The following ICA1 variants were observed in gnomAD, a reference collection of about 807,000 sequenced individuals.
The protein encoded by ICA1 is islet cell autoantigen 1, also known as 69 kDa islet cell autoantigen.
ICA1 carries 40 observed loss-of-function variants against 71.0 expected under a neutral mutation model. That is an observed-to-expected ratio of 0.56 (90% CI 0.44 to 0.73). The LOEUF is 0.73. ICA1 is among the 30% of genes least tolerant of loss of function. ICA1 has a pLI of 0.00. For missense variants in ICA1, 578 were observed against 576.5 expected, an observed-to-expected ratio of 1.00 and a Z score of -0.03; for synonymous variants, 207 against 209.5, an observed-to-expected ratio of 0.99 and a Z score of 0.10.
At chr7:8,116,300 G>A (rs1445669307) in intron 13 of ICA1, 1 of 152,114 alleles carries the variant, frequency 6.6e-6, no homozygotes, top group Non-Finnish European at 1.5e-5. Flanking sequence ...AGTAGGAGGG[G>A]GATTGACATT....
intron 5 of ICA1, chr7:8,218,935 A>G: frequency 3.9e-6 from 1 of 258,238 alleles, no homozygotes; most frequent in Non-Finnish European, 7.6e-6. Flanking sequence ...TCACTCTCCA[A>G]AGGCCAAGGC....
intron 8 of ICA1, among the ~76,000 whole-genome samples, chr7:8,152,665 C>G (rs1214366206): frequency 1.9e-4 from 28 of 148,480 alleles, no homozygotes; most frequent in African/African-American, 6.1e-4. Context: ...ACCACCACCA[C>G]CACCATTATC....
intron 6 of ICA1, among the ~76,000 whole-genome samples, chr7:8,180,749 A>T (rs566103319): frequency 3.9e-4 from 59 of 152,026 alleles, no homozygotes; most frequent in African/African-American, 1.3e-3. Context: ...ACATGAAACC[A>T]TGTTGGCAAT....
At position 8,161,047 on chromosome 7, in the gene ICA1, T is replaced by C. The variant is rs568894764; in HGVS notation, c.580-2395A>G. Among the ~76,000 whole-genome samples the C allele has an allele frequency of 1.1e-4, 17 of 152,312 alleles. No homozygotes were observed. In the East Asian group the frequency reaches 2.5e-3, roughly 22 times the overall value. Reference sequence around the variant, plus strand: ...TCCTGAAAGGCATCTGTCTTCAGCCTTTTCCTACAAAGGGGAAGAAAATAC... The same window carrying C: ...TCCTGAAAGGCATCTGTCTTCAGCCCTTTCCTACAAAGGGGAAGAAAATAC... On this transcript the variant is annotated intron_variant, in intron 6 of 13. Coordinates refer to ENST00000402384, the MANE Select transcript of ICA1 (RefSeq NM_001136020.3).
intron 3 of ICA1, among the ~76,000 whole-genome samples, chr7:8,228,882 C>T (rs970266088): frequency 6.6e-6 from 1 of 152,218 alleles, no homozygotes; most frequent in African/African-American, 2.4e-5. Context: ...AATTCATCAT[C>T]TCTGTGATCT....
intron 10 of ICA1, among the ~76,000 whole-genome samples, chr7:8,140,511 G>C (rs1291079520): frequency 6.6e-6 from 1 of 152,128 alleles, no homozygotes; most frequent in Non-Finnish European, 1.5e-5. Context: ...CTCTCCCTTG[G>C]AGCTCCCACC....
chr7:8,197,109 TA>T (rs995145973), intron 6 of ICA1, among the ~76,000 whole-genome samples: 46 of 151,786 alleles, frequency 3.0e-4, no homozygotes, highest in African/African-American at 1.1e-3. Flanking sequence ...CATGAGCATT[TA>T]AAAAATGTCT....
intron 13 of ICA1, among the ~76,000 whole-genome samples, chr7:8,126,830 C>T (rs1353966065): frequency 1.3e-5 from 2 of 152,166 alleles, no homozygotes; most frequent in African/African-American, 4.8e-5. Flanking sequence ...TTTCAGAAGC[C>T]TGTGTGTTTA....
intron 3 of ICA1, among the ~76,000 whole-genome samples, chr7:8,231,178 A>G (rs915579425): frequency 1.3e-5 from 2 of 152,162 alleles, no homozygotes; most frequent in Non-Finnish European, 2.9e-5. Context: ...GTGGGGAAAC[A>G]GTGTCCAGGT....
intron 6 of ICA1, among the ~76,000 whole-genome samples, chr7:8,159,895 G>A (rs1355811524): frequency 6.6e-6 from 1 of 152,122 alleles, no homozygotes; most frequent in Non-Finnish European, 1.5e-5. Flanking sequence ...TGTATTCAGT[G>A]TGATGAGTTC....
intron 6 of ICA1, among the ~76,000 whole-genome samples, chr7:8,186,962 G>A (rs1383833638): frequency 6.6e-6 from 1 of 152,124 alleles, no homozygotes; most frequent in African/African-American, 2.4e-5. Context: ...TTAAAATTGG[G>A]CAACAAGAAT....
intron 8 of ICA1, among the ~76,000 whole-genome samples, chr7:8,147,687 A>AACACAC (rs71014764): frequency 0.016 from 2,377 of 145,370 alleles, 59 homozygotes; most frequent in African/African-American, 0.052. Flanking sequence ...AGCCAAGGGG[A>AACACAC]ACACACACAC....
intron 12 of ICA1, among the ~76,000 whole-genome samples, chr7:8,137,525 C>T (rs563766348): frequency 1.0e-3 from 156 of 152,186 alleles, no homozygotes; most frequent in African/African-American, 3.7e-3. Context: ...TGAAAGACAC[C>T]TTTATTCTAT....
At chr7:8,158,495 T>G (rs375940094) in intron 7 of ICA1, 32 bp downstream of exon 7, 52 of 1,612,472 alleles carry the variant, frequency 3.2e-5, no homozygotes, top group Non-Finnish European at 4.2e-5. Context: ...TGTGCCATCC[T>G]TGGTTCATTG....
chr7:8,172,456 T>A (rs931335516), intron 6 of ICA1, among the ~76,000 whole-genome samples: 1 of 152,156 alleles, frequency 6.6e-6, no homozygotes, highest in Non-Finnish European at 1.5e-5. Flanking sequence ...TTTGAATAAA[T>A]CTGTTTCTTT....
chr7:8,210,702 G>T (rs1053644920), intron 6 of ICA1, among the ~76,000 whole-genome samples: 1 of 151,886 alleles, frequency 6.6e-6, no homozygotes, highest in Non-Finnish European at 1.5e-5. Context: ...ATAGCCAAAG[G>T]AAAAAAATTT....
At chr7:8,142,281 C>T (rs1217441888) in intron 9 of ICA1, among the ~76,000 whole-genome samples, 1 of 152,218 alleles carries the variant, frequency 6.6e-6, no homozygotes, top group Non-Finnish European at 1.5e-5. Context: ...ACTCTCACCA[C>T]TTCTTTAAAC....
intron 6 of ICA1, among the ~76,000 whole-genome samples, chr7:8,171,013 A>G (rs1035109051): frequency 7.2e-5 from 11 of 151,944 alleles, no homozygotes; most frequent in Admixed American, 1.3e-4. Context: ...TATCAATCCA[A>G]AAAGAAACCC....
At position 8,126,198 on chromosome 7, in the gene ICA1, C is replaced by A. The variant is rs1425677984; in HGVS notation, c.1330+1675G>T. On this transcript the variant is annotated intron_variant, in intron 13 of 13. Transcript: ENST00000402384. Reference sequence around the variant, plus strand: ...TGTGGTTAGTAGGGGCTCTTGTTTCCAAAGCTGAGGATCTGAGTGGGGTTC... The same window carrying A: ...TGTGGTTAGTAGGGGCTCTTGTTTCAAAAGCTGAGGATCTGAGTGGGGTTC... 2.0e-5 allele frequency among the ~76,000 whole-genome samples: 3 copies of A among 152,170 alleles called. No individual in the cohort carries two copies. The East Asian group carries it at 5.8e-4, about 29-fold the overall frequency.
Sources: gnomAD v4.1 joint callset for allele counts (sites outside exome capture counted in the v4.1 genomes callset) on GRCh38, gnomAD v4.1.1 for gene constraint, MANE v1.5 for transcripts, NCBI Gene and HGNC (gene_info 2026-07-23, HGNC 2026-07-21) for gene names.